Variants in IL1RAPL2 observed in about 807,000 individuals in gnomAD.
The protein encoded by IL1RAPL2 is X-linked interleukin-1 receptor accessory protein-like 2.
A neutral mutation model predicts 44.1 loss-of-function variants in IL1RAPL2; 3 were observed. The observed-to-expected ratio is 0.07, with a 90% CI of 0.03 to 0.18. The LOEUF (loss-of-function observed/expected upper bound fraction) is 0.18, where lower values mean the gene tolerates loss of function less well. IL1RAPL2 is among the 10% of genes least tolerant of loss of function. IL1RAPL2 has a pLI of 1.00. For missense variants in IL1RAPL2, 391 were observed against 496.4 expected, an observed-to-expected ratio of 0.79 and a Z score of 2.02; for synonymous variants, 181 against 178.8, an observed-to-expected ratio of 1.01 and a Z score of -0.10.
intron 2 of IL1RAPL2, among the ~76,000 whole-genome samples, chrX:104,816,017 TA>T (rs989605401): frequency 9.0e-6 from 1 of 111,644 alleles, no homozygotes; most frequent in Non-Finnish European, 1.9e-5. Context: ...AATTTAAGTT[TA>T]AAGATAATAT....
At chrX:104,878,658 G>A (rs1021579410) in intron 2 of IL1RAPL2, among the ~76,000 whole-genome samples, 15 of 111,644 alleles carry the variant, frequency 1.3e-4, no homozygotes, top group African/African-American at 4.9e-4. Flanking sequence ...CTCCTGGGAG[G>A]TCTCTTTGTT....
chrX:105,009,380 A>C (rs1217174283), intron 2 of IL1RAPL2, among the ~76,000 whole-genome samples: 57 of 110,054 alleles, frequency 5.2e-4, no homozygotes, highest in Non-Finnish European at 6.4e-4. Flanking sequence ...CTGGATTAAG[A>C]AAATGTGGCA....
At chrX:104,972,156 A>G (rs1174715436) in intron 2 of IL1RAPL2, among the ~76,000 whole-genome samples, 2 of 111,449 alleles carry the variant, frequency 1.8e-5, no homozygotes, top group African/African-American at 6.5e-5. Context: ...ACCTTCCCAG[A>G]TTAGGCAGTT....
chrX:105,175,411 C>T (rs2033463645), intron 2 of IL1RAPL2, among the ~76,000 whole-genome samples: 1 of 111,169 alleles, frequency 9.0e-6, no homozygotes, highest in Admixed American at 9.6e-5. Flanking sequence ...TTTACAGATG[C>T]ATGCCAAGAT....
chrX:105,258,877 C>G (rs559618792), intron 4 of IL1RAPL2, among the ~76,000 whole-genome samples: 2 of 111,806 alleles, frequency 1.8e-5, no homozygotes, highest in Non-Finnish European at 3.8e-5. Context: ...TCATCCTCCT[C>G]AATCTCAATG....
chrX:105,111,711 G>T (rs1357276673), intron 2 of IL1RAPL2, among the ~76,000 whole-genome samples: 1 of 111,437 alleles, frequency 9.0e-6, no homozygotes, highest in African/African-American at 3.3e-5. Flanking sequence ...GAGTACCCTG[G>T]CGATGACAGT....
chrX:105,615,537 G>T (rs923311722), intron 6 of IL1RAPL2, among the ~76,000 whole-genome samples: 14 of 111,819 alleles, frequency 1.3e-4, no homozygotes, highest in Admixed American at 3.8e-4. Flanking sequence ...CACCAACATA[G>T]ATATAACTGG....
At chrX:105,250,530 A>G (rs926735385) in intron 4 of IL1RAPL2, among the ~76,000 whole-genome samples, 2 of 110,781 alleles carry the variant, frequency 1.8e-5, no homozygotes, top group Admixed American at 1.9e-4. Context: ...AATTTTTTCT[A>G]TAAACCTAAA....
rs190810667 is a variant in IL1RAPL2, at chrX:104,950,084, C to G, written c.83-245391C>G. Among the ~76,000 whole-genome samples the G allele has an allele frequency of 1.5e-3, 165 of 111,256 alleles. 1 individual carries two copies. Among genetic ancestry groups the G allele is most frequent in the African/African-American group, 5.2e-3 (160 of 30,604 alleles). ...TCTTTGTAGGTCACTCAAGGACTTGCTTTATGAATCTGGGTGCTCCTGTAT... is the reference window on the plus strand; with the variant it reads ...TCTTTGTAGGTCACTCAAGGACTTGGTTTATGAATCTGGGTGCTCCTGTAT... On this transcript the variant is annotated intron_variant, in intron 2 of 10. Transcript: ENST00000372582.
At chrX:104,855,681 G>GT (rs1556002120) in intron 2 of IL1RAPL2, among the ~76,000 whole-genome samples, 1,437 of 53,833 alleles carry the variant, frequency 0.027, 171 homozygotes, top group African/African-American at 0.057. Context: ...ATCTGGATCC[G>GT]TTTTTTTTTT....
At chrX:105,034,727 C>T (rs887316065) in intron 2 of IL1RAPL2, among the ~76,000 whole-genome samples, 1 of 112,275 alleles carries the variant, frequency 8.9e-6, no homozygotes, top group Non-Finnish European at 1.9e-5. Context: ...GTTCTCAGAT[C>T]TCCAGCTGCA....
intron 2 of IL1RAPL2, among the ~76,000 whole-genome samples, chrX:104,984,633 A>G (rs1162373605): frequency 8.9e-6 from 1 of 112,429 alleles, no homozygotes; most frequent in East Asian, 2.8e-4. Flanking sequence ...GTGTAGAATT[A>G]TGCTAATCAT....
intron 1 of IL1RAPL2, among the ~76,000 whole-genome samples, chrX:104,637,856 G>A (rs777597750): frequency 1.8e-5 from 2 of 108,497 alleles, no homozygotes; most frequent in African/African-American, 6.7e-5. Context: ...ATATGGTTTT[G>A]GTATCAGAGT....
intron 2 of IL1RAPL2, among the ~76,000 whole-genome samples, chrX:104,882,189 C>T (rs780983472): frequency 4.5e-5 from 5 of 111,514 alleles, no homozygotes; most frequent in East Asian, 5.7e-4. Context: ...TGAAAAAACA[C>T]GGAAGAATAA....
chrX:105,032,576 C>G (rs1424758337), intron 2 of IL1RAPL2, among the ~76,000 whole-genome samples: 1 of 112,063 alleles, frequency 8.9e-6, no homozygotes. Context: ...TTTAATTGCA[C>G]TGTGGTCTGA....
rs190415842 is a variant in IL1RAPL2 at position 105,166,574 on chromosome X, C to T, written c.83-28901C>T. On this transcript the variant is annotated intron_variant, in intron 2 of 10. Transcript: ENST00000372582. ...TTTTTGCCTTCACTATCACTTTAAA[C>T]CTTGTGAAAATAATCAAAAGATGAT... 3.1e-3 allele frequency among the ~76,000 whole-genome samples: 353 copies of T among 112,167 alleles called. 2 individuals carry two copies. Among genetic ancestry groups the T allele is most frequent in the African/African-American group, 0.011 (343 of 30,908 alleles).
At chrX:105,633,261 T>C (rs758344670) in intron 6 of IL1RAPL2, among the ~76,000 whole-genome samples, 4 of 112,081 alleles carry the variant, frequency 3.6e-5, no homozygotes, top group Non-Finnish European at 7.5e-5. Flanking sequence ...TTATGCAGCA[T>C]GTTATGAACC....
At chrX:105,243,908 A>T (rs12392192) in intron 4 of IL1RAPL2, among the ~76,000 whole-genome samples, 3,135 of 111,277 alleles carry the variant, frequency 0.028, 111 homozygotes, top group African/African-American at 0.097. Context: ...CTAAGCCAAA[A>T]GGTTAGCAGA....
chrX:105,234,081 T>G, intron 4 of IL1RAPL2, 77 bp downstream of exon 4: 2 of 820,639 alleles, frequency 2.4e-6, no homozygotes, highest in East Asian at 3.2e-5. Context: ...GGAGATTTTT[T>G]TACTAGTTTT....
Sources: gnomAD v4.1 joint callset for allele counts (sites outside exome capture counted in the v4.1 genomes callset) on GRCh38, gnomAD v4.1.1 for gene constraint, MANE v1.5 for transcripts, NCBI Gene and HGNC (gene_info 2026-07-23, HGNC 2026-07-21) for gene names.